NPHP3: variants seen among roughly 807,000 people sequenced by gnomAD.
NPHP3 encodes the protein nephrocystin 3.
A neutral mutation model predicts 171.9 loss-of-function variants in NPHP3; 123 were observed. The observed-to-expected ratio is 0.72, with a 90% CI of 0.62 to 0.83. The LOEUF is 0.83. Ranked by LOEUF, NPHP3 falls within the 40% of genes least tolerant of loss-of-function variation. The pLI is 0.00. For synonymous variants in NPHP3, 558 were observed against 579.2 expected (o/e 0.96, Z 0.52); for missense variants, 1,506 against 1,591.9 (o/e 0.95, Z 0.92).
chr3:132,713,674 C>T (rs1443955383), intron 5 of NPHP3, among the ~76,000 whole-genome samples: 5 of 151,986 alleles, frequency 3.3e-5, no homozygotes, highest in East Asian at 1.9e-4. Context: ...AAAACATCCA[C>T]GATGATATAT....
At chr3:132,695,127 G>T in intron 15 of NPHP3, 162 bp from the exon 16 acceptor site, 1 of 632,832 alleles carries the variant, frequency 1.6e-6, no homozygotes, top group Non-Finnish European at 2.8e-6. Flanking sequence ...GGGGCTGCTA[G>T]AGTCATTGGG....
intron 6 of NPHP3, among the ~76,000 whole-genome samples, chr3:132,711,564 TTTTG>T (rs1169441663): frequency 1.4e-4 from 21 of 152,060 alleles, no homozygotes; most frequent in South Asian, 4.1e-4. Flanking sequence ...AAAGTAAGGT[TTTTG>T]TTTGTTTGTT....
intron 5 of NPHP3, 110 bp downstream of exon 5, chr3:132,714,975 A>G: frequency 2.3e-6 from 2 of 881,746 alleles, no homozygotes; most frequent in South Asian, 1.6e-5. Context: ...TCTTTAAGAC[A>G]TATAATCTAG....
Position 132,681,835 on chromosome 3 carries a change from TTTCAAA to T in NPHP3, c.*69_*74del, listed in dbSNP as rs1370552209. The T allele has an allele frequency of 2.1e-5, 29 of 1,377,840 alleles. No individual in the cohort carries two copies. Among genetic ancestry groups the T allele is most frequent in the Non-Finnish European group, 2.9e-5 (28 of 969,472 alleles). 85.4% of individuals were successfully genotyped at this position (1,377,840 alleles called of 1,614,324 possible). A position where few individuals can be genotyped will look rare whatever the true frequency, so the allele number is the denominator to read the frequency against. On this transcript the variant is annotated 3_prime_UTR_variant, in exon 27 of 27. Coordinates refer to ENST00000337331, the MANE Select transcript of NPHP3 (RefSeq NM_153240.5). ...AATTTCGTACAACATTTTTTTAAAG[TTTCAAA>T]TTCAAATGTTCCAAATGTTTAATTA... is the stretch of plus-strand genomic sequence containing the variant.
intron 1 of NPHP3, among the ~76,000 whole-genome samples, chr3:132,721,071 C>T (rs1026343357): frequency 4.6e-5 from 7 of 152,168 alleles, no homozygotes; most frequent in African/African-American, 1.7e-4. Flanking sequence ...GCGCGTGCCA[C>T]CATGCCCGGC....
chr3:132,713,405 A>G (rs1156667770), intron 5 of NPHP3, 119 bp from the exon 6 acceptor site: 5 of 529,746 alleles, frequency 9.4e-6, no homozygotes, highest in Non-Finnish European at 1.2e-5. Flanking sequence ...ATCTTTTCAT[A>G]TAAAATTTTA....
chr3:132,721,668 G>A (rs1227980632), intron 1 of NPHP3: 1 of 578,682 alleles, frequency 1.7e-6, no homozygotes, highest in Admixed American at 2.7e-5. Context: ...CAGGCGCGGT[G>A]GCTCACTCCT....
chr3:132,718,862 C>T (rs1446504519), intron 3 of NPHP3, 132 bp downstream of exon 3: 25 of 872,492 alleles, frequency 2.9e-5, no homozygotes, highest in Admixed American at 5.9e-5. Context: ...ACACACGACA[C>T]TATTTGCAAC....
intron 23 of NPHP3, 106 bp downstream of exon 23, chr3:132,686,153 GT>G: frequency 1.6e-6 from 2 of 1,261,866 alleles, no homozygotes; most frequent in South Asian, 2.4e-5. Context: ...ATTTTGCGTG[GT>G]TTTTATCATT....
intron 12 of NPHP3, among the ~76,000 whole-genome samples, 197 bp downstream of exon 12, chr3:132,699,721 C>T (rs1939554880): frequency 6.6e-6 from 1 of 152,016 alleles, no homozygotes; most frequent in African/African-American, 2.4e-5. Context: ...TTCAGTTGGT[C>T]TTTCTTAATA....
chr3:132,703,777 G>T (rs1939678091), intron 9 of NPHP3, among the ~76,000 whole-genome samples: 1 of 151,940 alleles, frequency 6.6e-6, no homozygotes, highest in Admixed American at 6.6e-5. Flanking sequence ...ACAAGGTTTT[G>T]CCATGTTGCT....
At chr3:132,709,351 C>T (rs1260703065) in intron 6 of NPHP3, among the ~76,000 whole-genome samples, 2 of 132,450 alleles carry the variant, frequency 1.5e-5, no homozygotes, top group East Asian at 5.1e-4. Context: ...GGTGCAATCA[C>T]AGCTCACCGC....
intron 4 of NPHP3, among the ~76,000 whole-genome samples, chr3:132,716,324 T>A (rs1485694125): frequency 6.6e-6 from 1 of 152,238 alleles, no homozygotes; most frequent in African/African-American, 2.4e-5. Flanking sequence ...TGATCAGTGG[T>A]TGAGTGGATC....
chr3:132,715,937 C>T (rs79971031), intron 4 of NPHP3, among the ~76,000 whole-genome samples: 1,853 of 152,288 alleles, frequency 0.012, 32 homozygotes, highest in African/African-American at 0.041. Context: ...ATGCTCAGGT[C>T]CCTTACATAA....
chr3:132,695,841 G>A (rs1939438966), intron 15 of NPHP3, among the ~76,000 whole-genome samples: 1 of 152,158 alleles, frequency 6.6e-6, no homozygotes, highest in South Asian at 2.1e-4. Context: ...GGCTGAGGTG[G>A]GAGGATCGCT....
At chr3:132,693,016 T>C (rs1939339448) in intron 16 of NPHP3, 198 bp from the exon 17 acceptor site, 1 of 569,806 alleles carries the variant, frequency 1.8e-6, no homozygotes, top group Non-Finnish European at 3.1e-6. Context: ...AGTGTATATA[T>C]AAAATCTAGC....
At chr3:132,701,634 G>T in intron 9 of NPHP3, 101 bp from the exon 10 acceptor site, 2 of 809,698 alleles carry the variant, frequency 2.5e-6, no homozygotes, top group South Asian at 1.5e-5. Context: ...GAGAAAAGCT[G>T]TGTGAGAAAA....
In NPHP3 at chr3:132,690,515, T is replaced by C; in HGVS notation, c.2693+13A>G. The C allele has an allele frequency of 1.9e-6, 3 of 1,610,768 alleles. No homozygotes were observed. The highest frequency in any genetic ancestry group is 2.5e-6 in the Non-Finnish European group (3 of 1,177,038). On this transcript the variant is annotated intron_variant, in intron 19 of 26. Transcript: ENST00000337331. ...TCTCTTTCTGGGGAAAGATGTTCTA[T>C]AATGTTTCTTACCTTTTATAAAGGT...
chr3:132,695,650 C>T (rs1241246082), intron 15 of NPHP3, among the ~76,000 whole-genome samples: 1 of 152,068 alleles, frequency 6.6e-6, no homozygotes, highest in African/African-American at 2.4e-5. Flanking sequence ...ATATCACAGG[C>T]AGGCTGGGTA....
Sources: gnomAD v4.1 joint callset for allele counts (sites outside exome capture counted in the v4.1 genomes callset) on GRCh38, gnomAD v4.1.1 for gene constraint, MANE v1.5 for transcripts, NCBI Gene and HGNC (gene_info 2026-07-23, HGNC 2026-07-21) for gene names.